Variants in PRKG1 observed in about 807,000 individuals in gnomAD.
PRKG1 encodes cGMP-dependent protein kinase 1.
A neutral mutation model predicts 88.1 loss-of-function variants in PRKG1; 35 were observed. The ratio of observed to expected loss-of-function variants is 0.40; its 90% CI spans 0.30 to 0.53. The LOEUF is 0.53. Ranked by LOEUF, PRKG1 falls within the 20% of genes least tolerant of loss-of-function variation. PRKG1 has a pLI of 0.59. For missense variants in PRKG1, 540 were observed against 839.8 expected, an observed-to-expected ratio of 0.64 and a Z score of 4.41; for synonymous variants, 303 against 292.5, an observed-to-expected ratio of 1.04 and a Z score of -0.37.
intron 5 of PRKG1, among the ~76,000 whole-genome samples, chr10:52,050,690 T>C (rs1165500369): frequency 6.6e-6 from 1 of 152,176 alleles, no homozygotes; most frequent in Non-Finnish European, 1.5e-5. Context: ...CATGGACATA[T>C]GTTCGTTCAG....
intron 4 of PRKG1, among the ~76,000 whole-genome samples, chr10:51,900,596 C>T (rs931667205): frequency 6.6e-6 from 1 of 152,102 alleles, no homozygotes; most frequent in Non-Finnish European, 1.5e-5. Context: ...AAAAAGTCTT[C>T]AAGTATTAGA....
intron 7 of PRKG1, among the ~76,000 whole-genome samples, chr10:52,129,308 T>C (rs1394416484): frequency 6.6e-6 from 1 of 152,186 alleles, no homozygotes; most frequent in African/African-American, 2.4e-5. Context: ...ATTCAAATGA[T>C]ATTTGCTTTA....
At chr10:52,248,914 C>T (rs1190582201) in intron 9 of PRKG1, among the ~76,000 whole-genome samples, 2 of 144,844 alleles carry the variant, frequency 1.4e-5, no homozygotes, top group Admixed American at 7.0e-5. Context: ...TCTTTTCTTT[C>T]CTTTCTTTTC....
chr10:52,048,205 AC>A (rs918762236), intron 5 of PRKG1, among the ~76,000 whole-genome samples: 33 of 152,100 alleles, frequency 2.2e-4, no homozygotes, highest in African/African-American at 7.7e-4. Flanking sequence ...ATAACTCCAA[AC>A]TTAAATATAG....
intron 9 of PRKG1, among the ~76,000 whole-genome samples, chr10:52,212,207 T>C (rs1456788536): frequency 6.6e-6 from 1 of 152,146 alleles, no homozygotes; most frequent in East Asian, 1.9e-4. Context: ...CAGAAACAGC[T>C]GGATTGGTTA....
intron 4 of PRKG1, among the ~76,000 whole-genome samples, chr10:51,867,187 C>T (rs1240244106): frequency 5.3e-5 from 8 of 152,096 alleles, no homozygotes; most frequent in African/African-American, 1.9e-4. Context: ...TGTAATGTTC[C>T]TTGAGAGTTT....
chr10:51,162,237 C>T (rs181914803), intron 2 of PRKG1, among the ~76,000 whole-genome samples: 2 of 152,202 alleles, frequency 1.3e-5, no homozygotes, highest in East Asian at 1.9e-4. Context: ...CAACAGCCTA[C>T]CCCACCCCCA....
At chr10:51,783,955 A>T (rs1838663570) in intron 3 of PRKG1, among the ~76,000 whole-genome samples, 1 of 152,132 alleles carries the variant, frequency 6.6e-6, no homozygotes, top group South Asian at 2.1e-4. Flanking sequence ...AAAGTGGCTA[A>T]TTCTTTGGAA....
intron 3 of PRKG1, among the ~76,000 whole-genome samples, chr10:51,604,007 C>CTT (rs1250504316): frequency 6.6e-6 from 1 of 151,610 alleles, no homozygotes; most frequent in Non-Finnish European, 1.5e-5. Context: ...CCTTATAAGA[C>CTT]TTTATATATT....
chr10:51,507,785 G>C (rs1228751782), intron 3 of PRKG1, among the ~76,000 whole-genome samples: 1 of 152,062 alleles, frequency 6.6e-6, no homozygotes, highest in African/African-American at 2.4e-5. Context: ...GAAGGCTAGA[G>C]CTCTTTCAAT....
chr10:51,063,512 T>C (rs185914449), intron 1 of PRKG1, among the ~76,000 whole-genome samples: 1 of 152,272 alleles, frequency 6.6e-6, no homozygotes, highest in East Asian at 1.9e-4. Context: ...AAATATGGTA[T>C]AAAAGATAAA....
intron 3 of PRKG1, among the ~76,000 whole-genome samples, chr10:51,555,403 T>G (rs1197137960): frequency 6.6e-6 from 1 of 151,836 alleles, no homozygotes; most frequent in Non-Finnish European, 1.5e-5. Flanking sequence ...AAACCAAACT[T>G]AAGAAAAAGA....
intron 4 of PRKG1, among the ~76,000 whole-genome samples, chr10:51,815,322 T>C (rs1839557308): frequency 6.6e-6 from 1 of 152,206 alleles, no homozygotes; most frequent in African/African-American, 2.4e-5. Context: ...AGAGGATTAG[T>C]GCATCTGGGA....
intron 4 of PRKG1, among the ~76,000 whole-genome samples, chr10:51,866,724 A>G (rs6480523): frequency 0.098 from 14,968 of 152,194 alleles, 977 homozygotes; most frequent in African/African-American, 0.18. Context: ...AAAATACCAC[A>G]AATTCTGTTT....
intron 1 of PRKG1, among the ~76,000 whole-genome samples, chr10:51,145,113 A>G (rs936245743): frequency 1.3e-5 from 2 of 152,184 alleles, no homozygotes; most frequent in African/African-American, 4.8e-5. Flanking sequence ...CATGTAACAC[A>G]TAGTGGTGGT....
At chr10:51,270,019 A>G (rs1219032347) in intron 2 of PRKG1, among the ~76,000 whole-genome samples, 3 of 152,220 alleles carry the variant, frequency 2.0e-5, no homozygotes, top group African/African-American at 7.2e-5. Flanking sequence ...GAGGTGAAGG[A>G]GGTCAGTATT....
At chr10:51,725,531 A>G (rs1008921441) in intron 3 of PRKG1, among the ~76,000 whole-genome samples, 2 of 152,158 alleles carry the variant, frequency 1.3e-5, no homozygotes, top group African/African-American at 4.8e-5. Flanking sequence ...TGCATACCCA[A>G]AACAAAATAG....
chr10:51,672,488 T>A (rs1402473911), intron 3 of PRKG1, among the ~76,000 whole-genome samples: 1 of 152,170 alleles, frequency 6.6e-6, no homozygotes, highest in Non-Finnish European at 1.5e-5. Context: ...TTATAGTTTT[T>A]CTTTATGTTT....
intron 2 of PRKG1, among the ~76,000 whole-genome samples, chr10:51,261,215 A>G (rs1234000233): frequency 6.6e-6 from 1 of 152,232 alleles, no homozygotes; most frequent in Non-Finnish European, 1.5e-5. Context: ...ATGGGTCATC[A>G]GATTTTACAG....
Sources: gnomAD v4.1 joint callset for allele counts (sites outside exome capture counted in the v4.1 genomes callset) on GRCh38, gnomAD v4.1.1 for gene constraint, MANE v1.5 for transcripts, NCBI Gene and HGNC (gene_info 2026-07-23, HGNC 2026-07-21) for gene names.